MINDY2: variants seen among roughly 807,000 people sequenced by gnomAD.
MINDY2 encodes the protein MINDY lysine 48 deubiquitinase 2, also known as ubiquitin carboxyl-terminal hydrolase MINDY-2.
In MINDY2, 52 loss-of-function variants were observed where a neutral mutation model predicts 68.2. That is an observed-to-expected ratio of 0.76 (90% CI 0.61 to 0.96). MINDY2 has a LOEUF of 0.96. MINDY2 is among the 40% of genes least tolerant of loss of function. The pLI is 0.00. For synonymous variants in MINDY2, 372 were observed against 303.0 expected (o/e 1.23, Z -2.36); for missense variants, 881 against 773.4 (o/e 1.14, Z -1.65).
At chr15:58,784,949 T>C (rs1454905730) in intron 1 of MINDY2, among the ~76,000 whole-genome samples, 1 of 151,862 alleles carries the variant, frequency 6.6e-6, no homozygotes, top group African/African-American at 2.4e-5. Flanking sequence ...ATTTTTTTCA[T>C]TGTAAAGCTT....
At chr15:58,844,021 T>C (rs1480466032) in intron 6 of MINDY2, among the ~76,000 whole-genome samples, 2 of 152,082 alleles carry the variant, frequency 1.3e-5, no homozygotes, top group Non-Finnish European at 2.9e-5. Flanking sequence ...TATATTATTA[T>C]TTATGAAATT....
At chr15:58,804,941 G>A (rs888159571) in intron 3 of MINDY2, among the ~76,000 whole-genome samples, 2 of 152,146 alleles carry the variant, frequency 1.3e-5, no homozygotes, top group African/African-American at 4.8e-5. Flanking sequence ...CAATCCGGGT[G>A]TGATATAGTA....
At chr15:58,797,589 T>C (rs1902367355) in intron 2 of MINDY2, among the ~76,000 whole-genome samples, 1 of 152,192 alleles carries the variant, frequency 6.6e-6, no homozygotes, top group South Asian at 2.1e-4. Flanking sequence ...TAAAATTACA[T>C]TTGAGCTCAA....
At position 58,831,717 on chromosome 15, in the gene MINDY2, A is replaced by G. The variant is rs2031735021; in HGVS notation, c.1226-57A>G. On this transcript the variant is annotated intron_variant, in intron 5 of 8. Transcript: ENST00000559228. Reference sequence around the variant, plus strand: ...GGAACACACTTTAAATAGAAAAAGAATAACTTTTTGATTTTGAAATTATTC... The same window carrying G: ...GGAACACACTTTAAATAGAAAAAGAGTAACTTTTTGATTTTGAAATTATTC... 5 of 1,501,272 alleles carry G rather than the reference A, an allele frequency of 3.3e-6. No homozygotes were observed. In the Admixed American group the frequency reaches 8.2e-5, roughly 25 times the overall value. 93.0% of individuals were successfully genotyped at this position (1,501,272 alleles called of 1,614,324 possible).
At chr15:58,804,805 CAA>C (rs562018572) in intron 3 of MINDY2, among the ~76,000 whole-genome samples, 6 of 127,778 alleles carry the variant, frequency 4.7e-5, no homozygotes, top group Admixed American at 1.6e-4. Flanking sequence ...GACCCTGTTA[CAA>C]AAAAAAAAAA....
chr15:58,811,336 C>G (rs779693868), intron 4 of MINDY2, among the ~76,000 whole-genome samples: 5 of 152,204 alleles, frequency 3.3e-5, no homozygotes, highest in Non-Finnish European at 7.3e-5. Flanking sequence ...GTCTAGCAAT[C>G]CAGATTTTGC....
intron 1 of MINDY2, among the ~76,000 whole-genome samples, chr15:58,785,015 A>G (rs1442689198): frequency 6.6e-6 from 1 of 151,962 alleles, no homozygotes; most frequent in Non-Finnish European, 1.5e-5. Flanking sequence ...TTCTTAGCCA[A>G]CTATCTCATA....
At chr15:58,840,737 A>T (rs2032237083) in intron 6 of MINDY2, among the ~76,000 whole-genome samples, 1 of 147,612 alleles carries the variant, frequency 6.8e-6, no homozygotes, top group Non-Finnish European at 1.5e-5. Context: ...GCTCAGTGCA[A>T]GCTCCGCCTC....
chr15:58,820,743 C>T (rs887752297), intron 4 of MINDY2, among the ~76,000 whole-genome samples: 4 of 152,160 alleles, frequency 2.6e-5, no homozygotes, highest in South Asian at 2.1e-4. Flanking sequence ...ACAAGCTCCC[C>T]GAGTTTGAAA....
At position 58,771,918 on chromosome 15, in the gene MINDY2, T is replaced by C. The variant is rs374709665; in HGVS notation, c.523T>C (p.Ser175Pro). 1 of 1,549,566 alleles carries C rather than the reference T, an allele frequency of 6.5e-7. No homozygotes were observed. The highest frequency in any genetic ancestry group is 1.4e-5 in the African/African-American group (1 of 72,720). The stretch of plus-strand genomic sequence containing the variant: ...TCCTGGGGAATCTCCGAGCCTGGAC[T>C]CTCTGGAGTCGTTCTCTAACCTGCA... ...SPPGESPSLD[S>P]LESFSNLHSF... The change falls in exon 1 of 9, where the codon TCT becomes CCT. Residue 175 changes from serine (S) to proline (P), a missense_variant. Physicochemically the swap from Ser to Pro is moderately conservative, Grantham distance 74 (BLOSUM62 -1). Transcript: ENST00000559228.
At chr15:58,839,436 A>G (rs1319214232) in intron 6 of MINDY2, among the ~76,000 whole-genome samples, 1 of 152,020 alleles carries the variant, frequency 6.6e-6, no homozygotes, top group Admixed American at 6.6e-5. Context: ...GGTTCAAGTG[A>G]TTCTCCTGCC....
chr15:58,845,923 G>A (rs2032507417), intron 6 of MINDY2, among the ~76,000 whole-genome samples: 1 of 152,154 alleles, frequency 6.6e-6, no homozygotes, highest in Admixed American at 6.5e-5. Context: ...AGGTCATAAT[G>A]TTAAGTGAGA....
At chr15:58,824,226 C>G (rs1873961635) in intron 5 of MINDY2, among the ~76,000 whole-genome samples, 2 of 152,096 alleles carry the variant, frequency 1.3e-5, no homozygotes, top group Non-Finnish European at 2.9e-5. Context: ...CTTCTTTTTC[C>G]TTAACCTGAT....
intron 8 of MINDY2, among the ~76,000 whole-genome samples, chr15:58,852,748 A>G (rs1414942161): frequency 1.3e-5 from 2 of 152,108 alleles, no homozygotes; most frequent in African/African-American, 4.8e-5. Flanking sequence ...CCCAATTTTT[A>G]ACATGTACTA....
chr15:58,823,194 A>G (rs1482459724), intron 5 of MINDY2, among the ~76,000 whole-genome samples: 2 of 148,702 alleles, frequency 1.3e-5, no homozygotes, highest in African/African-American at 5.0e-5. Context: ...CTGGAGTGCA[A>G]TGGCGCGATC....
intron 6 of MINDY2, among the ~76,000 whole-genome samples, chr15:58,841,536 G>A (rs1170524953): frequency 6.6e-6 from 1 of 151,500 alleles, no homozygotes; most frequent in Non-Finnish European, 1.5e-5. Context: ...CCCCCAAGTA[G>A]CTGGGATTAC....
chr15:58,835,897 GTT>G (rs2031970064), intron 6 of MINDY2, among the ~76,000 whole-genome samples: 2 of 151,296 alleles, frequency 1.3e-5, no homozygotes, highest in South Asian at 4.2e-4. Flanking sequence ...AAAGTCTTGG[GTT>G]TTTTGTTTTG....
chr15:58,772,096 A>T lies in MINDY2; in HGVS notation c.701A>T (p.Lys234Met). The part of the protein sequence containing the change: ...EETAQVLAAS[K>M]ERFPGQSVYH... Reference sequence around the variant, plus strand: ...ACCGCTCAGGTGCTGGCGGCCTCCAAGGAACGCTTCCCGGGACAATCTGTG... The same window carrying T: ...ACCGCTCAGGTGCTGGCGGCCTCCATGGAACGCTTCCCGGGACAATCTGTG... The change falls in exon 1 of 9, where the codon AAG becomes ATG. Residue 234 changes from lysine (K) to methionine (M), a missense_variant. By Grantham distance (95) the Lys-to-Met change is moderately conservative. Coordinates refer to ENST00000559228, the MANE Select transcript of MINDY2 (RefSeq NM_001040450.3). 1 of 1,613,784 alleles carries T rather than the reference A, an allele frequency of 6.2e-7. No homozygotes were observed. The highest frequency in any genetic ancestry group is 1.1e-5 in the South Asian group (1 of 91,076).
At chr15:58,819,593 C>G (rs2030931237) in intron 4 of MINDY2, among the ~76,000 whole-genome samples, 1 of 152,178 alleles carries the variant, frequency 6.6e-6, no homozygotes, top group African/African-American at 2.4e-5. Flanking sequence ...AGATACCCTC[C>G]TGCCTCAGCC....
Sources: gnomAD v4.1 joint callset for allele counts (sites outside exome capture counted in the v4.1 genomes callset) on GRCh38, gnomAD v4.1.1 for gene constraint, MANE v1.5 for transcripts, NCBI Gene and HGNC (gene_info 2026-07-23, HGNC 2026-07-21) for gene names.